The following ITIH6 variants were observed in gnomAD, a reference collection of about 807,000 sequenced individuals.
ITIH6 encodes the protein inter-alpha-trypsin inhibitor heavy chain H6.
A neutral mutation model predicts 58.2 loss-of-function variants in ITIH6; 60 were observed. That is an observed-to-expected ratio of 1.03 (90% CI 0.84 to 1.28). The LOEUF is 1.28. Ranked by LOEUF, ITIH6 falls within the 50% of genes most tolerant of loss-of-function variation. The probability of loss-of-function intolerance (pLI) is 0.00; values close to 1 mark genes in which losing one functional copy is unlikely to be tolerated. For missense variants in ITIH6, 1,290 were observed against 1,021.1 expected, an observed-to-expected ratio of 1.26 and a Z score of -3.59; for synonymous variants, 493 against 417.4, an observed-to-expected ratio of 1.18 and a Z score of -2.21.
chrX:54,761,159 G>C (rs1388143976), intron 6 of ITIH6, among the ~76,000 whole-genome samples: 3 of 112,170 alleles, frequency 2.7e-5, no homozygotes, highest in Non-Finnish European at 5.6e-5. Context: ...ATCTCATTGT[G>C]ATTTTGATTT....
At chrX:54,759,126 T>A in intron 7 of ITIH6, 128 bp from the exon 8 acceptor site, 1 of 490,729 alleles carries the variant, frequency 2.0e-6, no homozygotes, top group Non-Finnish European at 3.3e-6. Context: ...TATCCACTGT[T>A]TCTCCTTCCC....
intron 6 of ITIH6, among the ~76,000 whole-genome samples, chrX:54,769,355 G>T (rs1455506025): frequency 1.1e-5 from 1 of 88,577 alleles, no homozygotes; most frequent in Non-Finnish European, 2.2e-5. Flanking sequence ...TAATTTGATC[G>T]TCTGAAGCCT....
At chrX:54,792,979 T>C (rs1323662920) in intron 2 of ITIH6, among the ~76,000 whole-genome samples, 1 of 109,488 alleles carries the variant, frequency 9.1e-6, no homozygotes, top group Non-Finnish European at 1.9e-5. Context: ...CCTCCCTCCC[T>C]CTCCCCTTCT....
chrX:54,751,898 G>C (rs1486108213), intron 11 of ITIH6, among the ~76,000 whole-genome samples: 4 of 111,602 alleles, frequency 3.6e-5, no homozygotes, highest in Non-Finnish European at 7.5e-5. Flanking sequence ...GTATTTCCAT[G>C]CATCAGTGTA....
At chrX:54,789,376 C>T (rs1361175484) in intron 4 of ITIH6, among the ~76,000 whole-genome samples, 1 of 111,770 alleles carries the variant, frequency 8.9e-6, no homozygotes, top group East Asian at 2.8e-4. Flanking sequence ...CCCCCTCCTT[C>T]CTGCCACAGC....
At position 54,749,910 on chromosome X, in the gene ITIH6, G is replaced by A; in HGVS notation, c.3927C>T (p.Leu1309=). ...TCAGAAGCCATCACAGGACATAGGA[G>A]AGGTAGGGGTGGCCCAGAAGCAGCT... ...HVELLLGHPY[L]SYVL Residue 1309 remains leucine (L), a synonymous_variant, in exon 13 of 13, where the codon CTC becomes CTT. Coordinates refer to ENST00000218436, the MANE Select transcript of ITIH6 (RefSeq NM_198510.3). 1 of 1,210,073 alleles carries A rather than the reference G, an allele frequency of 8.3e-7. No homozygotes were observed. Among genetic ancestry groups the A allele is most frequent in the Non-Finnish European group, 1.1e-6 (1 of 894,414 alleles).
chrX:54,784,064 G>A (rs763646633), intron 5 of ITIH6, among the ~76,000 whole-genome samples: 4 of 111,601 alleles, frequency 3.6e-5, no homozygotes, highest in Non-Finnish European at 7.5e-5. Flanking sequence ...TTCAACACAG[G>A]TGCCAAGAAC....
At chrX:54,754,914 C>T in intron 9 of ITIH6, 103 bp downstream of exon 9, 4 of 588,707 alleles carry the variant, frequency 6.8e-6, no homozygotes, top group Non-Finnish European at 8.3e-6. Flanking sequence ...CAATAGAAAA[C>T]TAATACATTA....
Position 54,753,912 on chromosome X carries a change from TG to T in ITIH6, c.3238+17del. ...GCCCTGTACTCAAACAGGGGAGCCA[TG>T]GGGGTGACTGGCTTACCTGAGGAGG... is the stretch of plus-strand genomic sequence containing the variant. On this transcript the variant is annotated intron_variant, in intron 10 of 12. Transcript: ENST00000218436. 8.3e-7 allele frequency: 1 copy of T among 1,204,527 alleles called. No individual in the cohort carries two copies. The highest frequency in any genetic ancestry group is 1.1e-6 in the Non-Finnish European group (1 of 890,038).
intron 5 of ITIH6, among the ~76,000 whole-genome samples, chrX:54,784,392 A>T (rs1245069427): frequency 8.9e-6 from 1 of 111,788 alleles, no homozygotes; most frequent in Non-Finnish European, 1.9e-5. Flanking sequence ...TGATAAACAA[A>T]GTGAAGAGAC....
intron 11 of ITIH6, 141 bp from the exon 12 acceptor site, chrX:54,751,521 AC>A: frequency 1.4e-6 from 1 of 692,314 alleles, no homozygotes; most frequent in Admixed American, 3.4e-5. Context: ...ACCATGGTCC[AC>A]CTGGCTGCTC....
In ITIH6 at chrX:54,790,719, G is replaced by A. The variant is rs1929328533; in HGVS notation, c.616+118C>T. The A allele has an allele frequency of 7.6e-6, 7 of 920,830 alleles. No homozygotes were observed. In the East Asian group the frequency reaches 2.2e-4, roughly 29 times the overall value. The allele number at this position is 920,830 out of a possible 1,213,427, so 75.9% of individuals were successfully genotyped here. On this transcript the variant is annotated intron_variant, in intron 4 of 12. Coordinates refer to ENST00000218436, the MANE Select transcript of ITIH6 (RefSeq NM_198510.3). The stretch of plus-strand genomic sequence containing the variant: ...TGCCCTCTTCTCACTGAATCAGGAA[G>A]GAACTTGGCAGTGAGTACAGAGCAG...
chrX:54,757,256 A>G lies in ITIH6; in HGVS notation c.2818T>C (p.Phe940Leu). The G allele has an allele frequency of 2.5e-6, 3 of 1,191,357 alleles. No homozygotes were observed. The African/African-American group carries it at 5.2e-5, about 21-fold the overall frequency. The change falls in exon 8 of 13, where the codon TTC becomes CTC. Residue 940 changes from phenylalanine to leucine, a missense_variant. Phe to Leu is a conservative substitution (Grantham distance 22, BLOSUM62 0). Transcript: ENST00000218436. ...PFTPTLPPGR[F>L]WHQYDLLPGP... ...GGGAGGAGGTCATACTGATGCCAGA[A>G]CCTTCCAGGGGGCAGAGTGGGAGTA...
At chrX:54,755,596 C>T (rs1323653552) in intron 8 of ITIH6, among the ~76,000 whole-genome samples, 4 of 109,751 alleles carry the variant, frequency 3.6e-5, no homozygotes, top group African/African-American at 1.3e-4. Context: ...GTTCGAAGGG[C>T]AATGGAAGGG....
intron 7 of ITIH6, 21 bp from the exon 8 acceptor site, chrX:54,759,019 G>A (rs1243402335): frequency 3.7e-6 from 4 of 1,076,823 alleles, no homozygotes; most frequent in Admixed American, 3.0e-5. Flanking sequence ...AATAGATTGT[G>A]AGACCATCTT....
chrX:54,763,748 C>A (rs1403151262), intron 6 of ITIH6, among the ~76,000 whole-genome samples: 1 of 111,871 alleles, frequency 8.9e-6, no homozygotes, highest in Non-Finnish European at 1.9e-5. Context: ...CTGAATCTGT[C>A]AATTACTGAT....
At chrX:54,782,755 CCAAA>C (rs1390193274) in intron 5 of ITIH6, among the ~76,000 whole-genome samples, 5 of 111,679 alleles carry the variant, frequency 4.5e-5, no homozygotes, top group African/African-American at 1.3e-4. Context: ...CTGAATTCTA[CCAAA>C]CAGTTAAAGA....
intron 5 of ITIH6, among the ~76,000 whole-genome samples, chrX:54,784,360 AG>A (rs1163388201): frequency 8.9e-6 from 1 of 111,805 alleles, no homozygotes; most frequent in Non-Finnish European, 1.9e-5. Context: ...CAAGTTAAAA[AG>A]CTTCTACACT....
At position 54,791,057 on chromosome X, in the gene ITIH6, G is replaced by A. The variant is rs772531184; in HGVS notation, c.396C>T (p.Ile132=). 5.8e-6 allele frequency: 7 copies of A among 1,209,934 alleles called. No individual in the cohort carries two copies. In the Admixed American group the frequency reaches 8.7e-5, roughly 15 times the overall value. Residue 132 remains isoleucine, a synonymous_variant, in exon 4 of 13, where the codon ATC becomes ATT. Transcript: ENST00000218436. ...IRDRESEKFR[I]STSLAAGTEV... is the part of the protein sequence containing the mutation. The stretch of plus-strand genomic sequence containing the variant: ...CTGTGCCTGCTGCCAGGCTGGTGGA[G>A]ATGCGGAACTTCTCTGATTCCCGGT...
Sources: allele counts gnomAD v4.1 joint callset (sites outside exome capture counted in the v4.1 genomes callset), GRCh38; gene constraint gnomAD v4.1.1; transcripts MANE v1.5; gene names NCBI Gene and HGNC (gene_info 2026-07-23, HGNC 2026-07-21).